The following ATG7 variants were observed in gnomAD, a reference collection of about 807,000 sequenced individuals.
The protein encoded by ATG7 is autophagy related 7, also known as ubiquitin-like modifier-activating enzyme ATG7.
Under a neutral mutation model 82.4 loss-of-function variants are expected in ATG7, and 70 were observed. The observed-to-expected ratio is 0.85, with a 90% CI of 0.70 to 1.04. ATG7 has a LOEUF of 1.04. Ranked by LOEUF, ATG7 falls within the 50% of genes least tolerant of loss-of-function variation. ATG7 has a pLI of 0.00. For synonymous variants in ATG7, 287 were observed against 313.0 expected (o/e 0.92, Z 0.88); for missense variants, 792 against 864.3 (o/e 0.92, Z 1.05).
At chr3:11,302,531 T>C (rs1204179343) in intron 5 of ATG7, among the ~76,000 whole-genome samples, 2 of 152,226 alleles carry the variant, frequency 1.3e-5, no homozygotes, top group East Asian at 3.8e-4. Context: ...CAAAGACTTA[T>C]GAAATATGTT....
chr3:11,456,957 C>T (rs937951040), intron 20 of ATG7, among the ~76,000 whole-genome samples: 1 of 152,200 alleles, frequency 6.6e-6, no homozygotes, highest in African/African-American at 2.4e-5. Flanking sequence ...CAGCATGTCT[C>T]CTCCAGACAA....
chr3:11,399,134 G>A (rs1309979634), intron 19 of ATG7, among the ~76,000 whole-genome samples: 1 of 152,182 alleles, frequency 6.6e-6, no homozygotes, highest in African/African-American at 2.4e-5. Flanking sequence ...GATCACTTAA[G>A]GCCAGGCATT....
At chr3:11,337,171 T>C (rs983422261) in intron 11 of ATG7, among the ~76,000 whole-genome samples, 1 of 152,158 alleles carries the variant, frequency 6.6e-6, no homozygotes, top group African/African-American at 2.4e-5. Flanking sequence ...AAATATTTTC[T>C]TGGCCAGGTG....
At chr3:11,331,047 T>C (rs1951570014) in intron 9 of ATG7, among the ~76,000 whole-genome samples, 1 of 152,218 alleles carries the variant, frequency 6.6e-6, no homozygotes, top group African/African-American at 2.4e-5. Context: ...TCATTCCCCA[T>C]CTTCCTTCCA....
intron 17 of ATG7, 63 bp from the exon 18 acceptor site, chr3:11,364,596 G>C (rs1464041123): frequency 6.4e-7 from 1 of 1,551,692 alleles, no homozygotes; most frequent in Non-Finnish European, 8.9e-7. Context: ...ATTTCTGCTA[G>C]ATCATCCTCC....
intron 20 of ATG7, among the ~76,000 whole-genome samples, chr3:11,552,508 C>A (rs1432859591): frequency 2.0e-5 from 3 of 152,076 alleles, no homozygotes; most frequent in Non-Finnish European, 2.9e-5. Context: ...CACTCCAGTC[C>A]CTGTCCCTAT....
chr3:11,553,290 TCACCTCACAGGTAGATGTGAGGA>T (rs1044154158), intron 20 of ATG7, among the ~76,000 whole-genome samples: 8 of 16,396 alleles, frequency 4.9e-4, no homozygotes, highest in African/African-American at 1.6e-3. Flanking sequence ...AGATGTGAGG[TCACCTCACAGGTAGATGTGAGGA>T]GTGAAAGAGG....
At chr3:11,457,636 A>T (rs2085869135) in intron 20 of ATG7, among the ~76,000 whole-genome samples, 1 of 152,220 alleles carries the variant, frequency 6.6e-6, no homozygotes, top group South Asian at 2.1e-4. Context: ...CAAATTGCAT[A>T]GCATTTAGTA....
chr3:11,284,203 AT>A (rs1943553367), intron 3 of ATG7, among the ~76,000 whole-genome samples: 1 of 152,220 alleles, frequency 6.6e-6, no homozygotes, highest in African/African-American at 2.4e-5. Flanking sequence ...TCATTAAAAA[AT>A]ATCCTACACT....
intron 20 of ATG7, among the ~76,000 whole-genome samples, chr3:11,496,844 T>C (rs6793953): frequency 1.3e-5 from 2 of 152,124 alleles, no homozygotes; most frequent in Non-Finnish European, 2.9e-5. Context: ...TTATGTCATG[T>C]CTTTTTATTA....
chr3:11,459,103 A>G (rs1327303621), intron 20 of ATG7, among the ~76,000 whole-genome samples: 1 of 151,172 alleles, frequency 6.6e-6, no homozygotes, highest in Admixed American at 6.6e-5. Context: ...CTAGGCGATC[A>G]CTTCTCTCAT....
At chr3:11,337,246 A>C (rs932732041) in intron 11 of ATG7, among the ~76,000 whole-genome samples, 1 of 152,142 alleles carries the variant, frequency 6.6e-6, no homozygotes, top group Admixed American at 6.5e-5. Context: ...TGAGGTCAGG[A>C]GATTGAGACC....
chr3:11,477,879 C>T (rs1416420875), intron 20 of ATG7, among the ~76,000 whole-genome samples: 1 of 152,178 alleles, frequency 6.6e-6, no homozygotes, highest in Non-Finnish European at 1.5e-5. Context: ...CTCCCTGTGG[C>T]AGGAAACAGG....
intron 20 of ATG7, among the ~76,000 whole-genome samples, chr3:11,519,808 A>G (rs1287819781): frequency 2.6e-5 from 4 of 151,952 alleles, no homozygotes; most frequent in East Asian, 1.9e-4. Context: ...TGATCCGCCC[A>G]CCTCGGCCTC....
intron 20 of ATG7, among the ~76,000 whole-genome samples, chr3:11,445,744 C>T (rs2084487816): frequency 6.6e-6 from 1 of 152,166 alleles, no homozygotes; most frequent in African/African-American, 2.4e-5. Flanking sequence ...CAAAGCAGTT[C>T]ACTGACTTAC....
Position 11,522,159 on chromosome 3 carries a change from G to C in ATG7, c.2080-32652G>C, listed in dbSNP as rs79914825. On this transcript the variant is annotated intron_variant, in intron 20 of 20. Transcript: ENST00000693202. ...AAGCCCTTAACCCAAGCATTACAAG[G>C]TTATTCTTGGGAGGAGAATTGTATG... 1.4e-4 allele frequency among the ~76,000 whole-genome samples: 22 copies of C among 152,238 alleles called. No individual in the cohort carries two copies. The East Asian group carries it at 4.3e-3, about 29-fold the overall frequency.
At chr3:11,380,652 T>C (rs1240395779) in intron 19 of ATG7, among the ~76,000 whole-genome samples, 1 of 152,200 alleles carries the variant, frequency 6.6e-6, no homozygotes, top group Non-Finnish European at 1.5e-5. Flanking sequence ...TCTGAGTGAT[T>C]TTTACATGCA....
chr3:11,309,556 A>G (rs1277565496), intron 7 of ATG7, among the ~76,000 whole-genome samples: 1 of 152,088 alleles, frequency 6.6e-6, no homozygotes. Context: ...GTATTAGGGT[A>G]ACATGTGCTG....
chr3:11,519,705 G>A (rs2092391638), intron 20 of ATG7, among the ~76,000 whole-genome samples: 1 of 151,404 alleles, frequency 6.6e-6, no homozygotes, highest in Admixed American at 6.6e-5. Flanking sequence ...GACCACAGGC[G>A]CCCGTCACCG....
Sources: gnomAD v4.1 joint callset for allele counts (sites outside exome capture counted in the v4.1 genomes callset) on GRCh38, gnomAD v4.1.1 for gene constraint, MANE v1.5 for transcripts, NCBI Gene and HGNC (gene_info 2026-07-23, HGNC 2026-07-21) for gene names.